SMU1: variants seen among roughly 807,000 people sequenced by gnomAD.
SMU1 encodes the protein SMU1 DNA replication regulator and spliceosomal factor.
In SMU1, 2 loss-of-function variants were observed where a neutral mutation model predicts 62.0. The observed-to-expected ratio is 0.03, with a 90% confidence interval of 0.01 to 0.10. The LOEUF (loss-of-function observed/expected upper bound fraction) is 0.10, where lower values mean the gene tolerates loss of function less well. SMU1 is among the 10% of genes least tolerant of loss of function. The pLI is 1.00. For missense variants in SMU1, 227 were observed against 622.1 expected, an observed-to-expected ratio of 0.36 and a Z score of 6.76; for synonymous variants, 188 against 212.4, an observed-to-expected ratio of 0.89 and a Z score of 1.00.
intron 10 of SMU1, among the ~76,000 whole-genome samples, chr9:33,052,721 G>T (rs1839263714): frequency 6.6e-6 from 1 of 152,246 alleles, no homozygotes; most frequent in South Asian, 2.1e-4. Context: ...GGACACTGCT[G>T]CTGCCTTTCT....
chr9:33,049,921 G>A (rs537057954), intron 10 of SMU1, among the ~76,000 whole-genome samples: 2 of 152,168 alleles, frequency 1.3e-5, no homozygotes, highest in African/African-American at 4.8e-5. Flanking sequence ...CTGGGCAATG[G>A]AGCAAGACCC....
intron 5 of SMU1, among the ~76,000 whole-genome samples, chr9:33,060,917 C>CTG (rs1326279520): frequency 6.6e-6 from 1 of 152,220 alleles, no homozygotes; most frequent in African/African-American, 2.4e-5. Context: ...GAATCAGCCA[C>CTG]TGTTAGCGTG....
intron 9 of SMU1, 137 bp downstream of exon 9, chr9:33,055,976 C>T (rs1207222219): frequency 1.2e-6 from 1 of 800,994 alleles, no homozygotes; most frequent in Non-Finnish European, 1.8e-6. Context: ...TTGTCTCAGA[C>T]TCACCTCAAT....
At position 33,048,133 on chromosome 9, in the gene SMU1, G is replaced by C; in HGVS notation, c.1416C>G (p.Val472=). The change falls in exon 11 of 12, where the codon GTC becomes GTG. Residue 472 remains valine, a synonymous_variant. Coordinates refer to ENST00000397149, the MANE Select transcript of SMU1 (RefSeq NM_018225.3). ...EDFVLYCFST[V]TGKLERTLTV... ...TCAAAGTTCTCTCCAGTTTGCCAGT[G>C]ACTGTACTGAAACAGTAGAGCACAA... The C allele has an allele frequency of 1.2e-6, 2 of 1,614,032 alleles. No individual in the cohort carries two copies. The highest frequency in any genetic ancestry group is 1.7e-6 in the Non-Finnish European group (2 of 1,180,018).
chr9:33,051,580 G>A (rs1839249842), intron 10 of SMU1, among the ~76,000 whole-genome samples: 1 of 152,062 alleles, frequency 6.6e-6, no homozygotes, highest in Non-Finnish European at 1.5e-5. Flanking sequence ...AAGAAATATG[G>A]GAACCGTCCG....
At chr9:33,075,540 A>C (rs1182123677) in intron 1 of SMU1, among the ~76,000 whole-genome samples, 1 of 152,210 alleles carries the variant, frequency 6.6e-6, no homozygotes, top group Admixed American at 6.5e-5. Context: ...CTCCCAAAAT[A>C]AGTCATCTCT....
intron 10 of SMU1, 87 bp from the exon 11 acceptor site, chr9:33,048,345 T>A (rs970466657): frequency 6.5e-7 from 1 of 1,534,468 alleles, no homozygotes; most frequent in Non-Finnish European, 8.8e-7. Context: ...ATTTTTACGT[T>A]GTTATTTTGC....
intron 11 of SMU1, 122 bp downstream of exon 11, chr9:33,047,984 A>T: frequency 2.4e-6 from 2 of 842,318 alleles, no homozygotes; most frequent in Non-Finnish European, 1.7e-6. Flanking sequence ...TAAATGTTTT[A>T]AAACAACATA....
chr9:33,067,095 A>C (rs1039075437), intron 4 of SMU1, among the ~76,000 whole-genome samples: 2 of 152,236 alleles, frequency 1.3e-5, no homozygotes, highest in African/African-American at 4.8e-5. Flanking sequence ...AATCATAAAA[A>C]TTTATGTAAG....
chr9:33,075,605 C>T (rs1329737226), intron 1 of SMU1, among the ~76,000 whole-genome samples: 1 of 152,146 alleles, frequency 6.6e-6, no homozygotes, highest in Non-Finnish European at 1.5e-5. Flanking sequence ...TACCTTCAAA[C>T]AGAAATGAAT....
chr9:33,056,905 A>G lies in SMU1; in HGVS notation c.927T>C (p.Gly309=). 1 of 1,613,540 alleles carries G rather than the reference A, an allele frequency of 6.2e-7. No individual in the cohort carries two copies. Among genetic ancestry groups the G allele is most frequent in the Non-Finnish European group, 8.5e-7 (1 of 1,179,812 alleles). The change falls in exon 8 of 12, where the codon GGT becomes GGC. Residue 309 remains glycine, a synonymous_variant. Transcript: ENST00000397149. ...LRRFERAHSK[G]VTCLSFSKDS... ...CCTTAGAAAAGCTTAGACAGGTGAC[A>G]CCCTTACTGTGTGCCCTCTCAAATC...
intron 4 of SMU1, among the ~76,000 whole-genome samples, chr9:33,066,847 C>T (rs1359292614): frequency 6.6e-6 from 1 of 151,328 alleles, no homozygotes; most frequent in Non-Finnish European, 1.5e-5. Context: ...TAAGACCTAC[C>T]AAAAAAATAA....
At chr9:33,057,185 T>C (rs1169846848) in intron 7 of SMU1, among the ~76,000 whole-genome samples, 3 of 152,156 alleles carry the variant, frequency 2.0e-5, no homozygotes, top group East Asian at 3.8e-4. Context: ...AACAAAAATA[T>C]AGACTCTAAG....
At chr9:33,075,102 C>T (rs867796713) in intron 1 of SMU1, among the ~76,000 whole-genome samples, 4 of 152,060 alleles carry the variant, frequency 2.6e-5, no homozygotes, top group Admixed American at 6.5e-5. Flanking sequence ...ATAGGCCGGC[C>T]GCGGTGGCTC....
chr9:33,060,302 C>T (rs1350026195), intron 6 of SMU1, among the ~76,000 whole-genome samples, 163 bp downstream of exon 6: 1 of 152,218 alleles, frequency 6.6e-6, no homozygotes, highest in East Asian at 1.9e-4. Context: ...CACAGGTGTG[C>T]ACCACTGTCC....
In SMU1 at chr9:33,048,206, C is replaced by G. The variant is rs372926186; in HGVS notation, c.1343G>C (p.Cys448Ser). 2.8e-5 allele frequency: 46 copies of G among 1,614,066 alleles called. No homozygotes were observed. Among genetic ancestry groups the G allele is most frequent in the Non-Finnish European group, 3.6e-5 (42 of 1,180,046 alleles). The change falls in exon 11 of 12, where the codon TGT becomes TCT. Residue 448 changes from cysteine (C) to serine (S), a missense_variant. Physicochemically the swap from Cys to Ser is moderately radical, Grantham distance 112 (BLOSUM62 -1). Transcript: ENST00000397149. ...GKREGGDFVC[C>S]ALSPRGEWIY... ...CCATTCACCACGGGGAGAGAGGGCA[C>G]AGCAAACAAAGTCCCCACCTTCTCT...
At chr9:33,055,337 T>C (rs766778097) in intron 9 of SMU1, among the ~76,000 whole-genome samples, 2 of 152,126 alleles carry the variant, frequency 1.3e-5, no homozygotes, top group Non-Finnish European at 2.9e-5. Context: ...CCACCACCCC[T>C]GGCTGTCTGA....
intron 10 of SMU1, among the ~76,000 whole-genome samples, chr9:33,051,759 C>G (rs1422891003): frequency 6.6e-6 from 1 of 152,084 alleles, no homozygotes; most frequent in East Asian, 1.9e-4. Flanking sequence ...GGGAATAAAA[C>G]CATTCTGTAT....
In SMU1 at chr9:33,042,179, C is replaced by T. The variant is rs144648212; in HGVS notation, c.*5114G>A. ...CTTTTAATGGCAAAAACCGCAATTA[C>T]TTTTGCACTAACCTAATAGTTATAT... On this transcript the variant is annotated 3_prime_UTR_variant, in exon 12 of 12. Coordinates refer to ENST00000397149, the MANE Select transcript of SMU1 (RefSeq NM_018225.3). The T allele has an allele frequency of 6.6e-6, 1 of 152,662 alleles. No homozygotes were observed. The highest frequency in any genetic ancestry group is 6.5e-5 in the Admixed American group (1 of 15,280). 9.5% of individuals were successfully genotyped at this position (152,662 alleles called of 1,614,324 possible).
Sources: gnomAD v4.1 joint callset for allele counts (sites outside exome capture counted in the v4.1 genomes callset) on GRCh38, gnomAD v4.1.1 for gene constraint, MANE v1.5 for transcripts, NCBI Gene and HGNC (gene_info 2026-07-23, HGNC 2026-07-21) for gene names.